Variants in LOC112694756 observed in about 807,000 individuals in gnomAD.
chr16:30,054,449 G>A, the LOC112694756 span: 1 of 207,344 alleles, frequency 4.8e-6, no homozygotes, highest in South Asian at 1.9e-4. Context: ...ATTGCAGGTT[G>A]GATGACAGGA....
chr16:30,070,019 A>G, the LOC112694756 span: 13 of 1,613,776 alleles, frequency 8.1e-6, no homozygotes, highest in East Asian at 2.2e-4. Flanking sequence ...GAGTATGTCA[A>G]GCGAGCCCTG....
chr16:30,063,685 G>A, the LOC112694756 span: 1 of 399,308 alleles, frequency 2.5e-6, no homozygotes, highest in Non-Finnish European at 4.4e-6. Flanking sequence ...AGCAACAGAC[G>A]TGGCCCCATC....
At chr16:30,069,926 CCTT>C in the LOC112694756 span, 12 of 1,614,132 alleles carry the variant, frequency 7.4e-6, no homozygotes, top group Non-Finnish European at 1.0e-5. Context: ...TGGGCCCTGA[CCTT>C]CTCCTACGGC....
the LOC112694756 span, chr16:30,068,833 C>CT: frequency 2.5e-6 from 4 of 1,614,236 alleles, no homozygotes; most frequent in Non-Finnish European, 3.4e-6. Flanking sequence ...GATGGGCTGT[C>CT]TGAGCGCTGT....
the LOC112694756 span, among the ~76,000 whole-genome samples, chr16:30,065,033 T>G: frequency 6.6e-6 from 1 of 152,196 alleles, no homozygotes; most frequent in African/African-American, 2.4e-5. Flanking sequence ...AGCCGCGCAT[T>G]CTGGTTTTCT....
chr16:30,068,651 C>T, the LOC112694756 span: 3 of 1,614,082 alleles, frequency 1.9e-6, no homozygotes, highest in African/African-American at 2.7e-5. Flanking sequence ...AACAGGTAGA[C>T]AAGGGCGTGG....
chr16:30,069,278 C>T, the LOC112694756 span: 2 of 1,613,288 alleles, frequency 1.2e-6, no homozygotes, highest in African/African-American at 1.3e-5. Flanking sequence ...TAGGAGGCCT[C>T]ACAGTGACCC....
At chr16:30,068,461 TAAAG>T in the LOC112694756 span, 1 of 697,266 alleles carries the variant, frequency 1.4e-6, no homozygotes, top group Non-Finnish European at 2.6e-6. Flanking sequence ...AGACTGGGGC[TAAAG>T]AAGAGGAAAG....
chr16:30,068,444 TG>T, the LOC112694756 span: 1 of 660,450 alleles, frequency 1.5e-6, no homozygotes, highest in Non-Finnish European at 2.8e-6. Flanking sequence ...TAAGTAAATG[TG>T]GGGGAAGACT....
At chr16:30,060,483 T>G in the LOC112694756 span, among the ~76,000 whole-genome samples, 1 of 152,076 alleles carries the variant, frequency 6.6e-6, no homozygotes, top group South Asian at 2.1e-4. Flanking sequence ...TTAACAGTCT[T>G]GCGGAGTCCT....
At chr16:30,070,291 G>A in the LOC112694756 span, 1 of 1,425,118 alleles carries the variant, frequency 7.0e-7, no homozygotes, top group African/African-American at 1.4e-5. Context: ...GCCTCCTCGG[G>A]GCTCCAGGCT....
At chr16:30,066,872 GTT>G in the LOC112694756 span, 1 of 1,546,518 alleles carries the variant, frequency 6.5e-7, no homozygotes, top group Non-Finnish European at 8.7e-7. Context: ...CTCCGGTTCG[GTT>G]TTGTTTTCAG....
the LOC112694756 span, chr16:30,064,251 G>C: frequency 5.1e-6 from 2 of 394,684 alleles, no homozygotes; most frequent in African/African-American, 4.1e-5. Flanking sequence ...TTTAGGAGGT[G>C]AGTGTAGTGC....
chr16:30,069,526 A>C, the LOC112694756 span: 1 of 1,614,092 alleles, frequency 6.2e-7, no homozygotes, highest in Middle Eastern at 1.6e-4. Flanking sequence ...CAAGGCTCTG[A>C]GTGACCACCA....
At chr16:30,062,325 A>C in the LOC112694756 span, among the ~76,000 whole-genome samples, 3 of 151,734 alleles carry the variant, frequency 2.0e-5, no homozygotes, top group African/African-American at 7.3e-5. Flanking sequence ...CAGGAGTTTG[A>C]GACTAGCCTG....
Sources: gnomAD v4.1 joint callset for allele counts (sites outside exome capture counted in the v4.1 genomes callset) on GRCh38, gnomAD v4.1.1 for gene constraint, MANE v1.5 for transcripts.